HLCS: variants seen among roughly 807,000 people sequenced by gnomAD.
The protein encoded by HLCS is biotin--protein ligase.
Under a neutral mutation model 75.0 loss-of-function variants are expected in HLCS, and 53 were observed. The ratio of observed to expected loss-of-function variants is 0.71; its 90% CI spans 0.57 to 0.89. The LOEUF (loss-of-function observed/expected upper bound fraction) is 0.89. Ranked by LOEUF, HLCS falls within the 40% of genes least tolerant of loss-of-function variation. The pLI is 0.00. For missense variants in HLCS, 966 were observed against 1,074.0 expected, an observed-to-expected ratio of 0.90 and a Z score of 1.41; for synonymous variants, 431 against 428.6, an observed-to-expected ratio of 1.01 and a Z score of -0.07.
At chr21:36,811,001 G>T (rs550072673) in intron 6 of HLCS, among the ~76,000 whole-genome samples, 26 of 152,300 alleles carry the variant, frequency 1.7e-4, no homozygotes, top group Non-Finnish European at 3.2e-4. Context: ...CCACAGTGCT[G>T]ATTGAGAGGA....
intron 1 of HLCS, among the ~76,000 whole-genome samples, chr21:36,964,180 G>A (rs1373998101): frequency 4.6e-5 from 7 of 152,160 alleles, no homozygotes; most frequent in African/African-American, 1.4e-4. Flanking sequence ...AGCGGAGATC[G>A]CGCCACTGCA....
intron 6 of HLCS, among the ~76,000 whole-genome samples, chr21:36,786,900 AAGGAGT>A (rs1487397096): frequency 6.6e-6 from 1 of 152,216 alleles, no homozygotes; most frequent in East Asian, 1.9e-4. Flanking sequence ...TGGGCCTCTT[AAGGAGT>A]AGGGACAACA....
intron 1 of HLCS, among the ~76,000 whole-genome samples, chr21:36,976,913 C>T (rs1465509795): frequency 6.6e-6 from 1 of 152,048 alleles, no homozygotes; most frequent in Non-Finnish European, 1.5e-5. Flanking sequence ...CTAACTTCCC[C>T]TCCATCTCTC....
At chr21:36,887,222 C>T (rs765762353) in intron 6 of HLCS, among the ~76,000 whole-genome samples, 5 of 151,964 alleles carry the variant, frequency 3.3e-5, no homozygotes, top group South Asian at 2.1e-4. Flanking sequence ...GCCTCCAGAA[C>T]GGTGAGAAAC....
chr21:36,954,560 G>A (rs1036686191), intron 2 of HLCS, among the ~76,000 whole-genome samples: 5 of 151,140 alleles, frequency 3.3e-5, no homozygotes, highest in African/African-American at 4.9e-5. Flanking sequence ...AGCTTGCAGC[G>A]AGCCGAGATG....
At chr21:36,903,556 T>C (rs1216752850) in intron 5 of HLCS, among the ~76,000 whole-genome samples, 2 of 152,180 alleles carry the variant, frequency 1.3e-5, no homozygotes, top group Non-Finnish European at 2.9e-5. Context: ...ATGATGGTAA[T>C]ACAAATATCC....
intron 5 of HLCS, among the ~76,000 whole-genome samples, chr21:36,924,245 G>T (rs1159109368): frequency 6.6e-6 from 1 of 152,168 alleles, no homozygotes; most frequent in Admixed American, 6.5e-5. Flanking sequence ...TTTTAGTGGA[G>T]AATTCTAATT....
intron 6 of HLCS, among the ~76,000 whole-genome samples, chr21:36,875,804 T>C (rs1229283438): frequency 1.3e-5 from 2 of 151,852 alleles, no homozygotes; most frequent in African/African-American, 4.8e-5. Flanking sequence ...AGGGGCAACG[T>C]CCCCCTGCTC....
Position 36,937,319 on chromosome 21 carries a change from C to T in HLCS, c.567G>A (p.Glu189=), listed in dbSNP as rs61732504. 5 of 1,613,934 alleles carry T rather than the reference C, an allele frequency of 3.1e-6. No individual in the cohort carries two copies. In the African/African-American group the frequency reaches 5.3e-5, roughly 17 times the overall value. Reference sequence around the variant, plus strand: ...TCTCAAGAGAAGGTTCAGGCTTCGGCTCTAGGATCTGGGCTTGCTTGTTTG... The same window carrying T: ...TCTCAAGAGAAGGTTCAGGCTTCGGTTCTAGGATCTGGGCTTGCTTGTTTG... The part of the protein sequence containing the change: ...QVSNKQAQIL[E]PKPEPSLEIK... The change falls in exon 4 of 11, where the codon GAG becomes GAA. Residue 189 remains glutamate (E), a synonymous_variant. Coordinates refer to ENST00000674895, the MANE Select transcript of HLCS (RefSeq NM_001352514.2).
chr21:36,933,241 G>C (rs1319677757), intron 4 of HLCS, among the ~76,000 whole-genome samples: 4 of 152,166 alleles, frequency 2.6e-5, no homozygotes, highest in African/African-American at 4.8e-5. Context: ...GCCAATCATG[G>C]GACAACAGGT....
chr21:36,930,954 T>C (rs1385441871), intron 4 of HLCS, among the ~76,000 whole-genome samples: 6 of 152,182 alleles, frequency 3.9e-5, no homozygotes, highest in African/African-American at 9.7e-5. Flanking sequence ...ATCAGTCATA[T>C]GACCTTCCGC....
chr21:36,794,305 T>C (rs2098299707), intron 6 of HLCS, among the ~76,000 whole-genome samples: 1 of 152,186 alleles, frequency 6.6e-6, no homozygotes, highest in Non-Finnish European at 1.5e-5. Context: ...GAAAACAAAA[T>C]ACAGCAGATA....
At chr21:36,964,584 C>T (rs1370906225) in intron 1 of HLCS, among the ~76,000 whole-genome samples, 1 of 152,096 alleles carries the variant, frequency 6.6e-6, no homozygotes, top group Non-Finnish European at 1.5e-5. Context: ...TAGGAAATGA[C>T]GCAGCAATAT....
chr21:36,962,815 A>AAAAG (rs56109177), intron 1 of HLCS, among the ~76,000 whole-genome samples: 7 of 146,664 alleles, frequency 4.8e-5, no homozygotes, highest in Non-Finnish European at 9.0e-5. Flanking sequence ...AAAAAAAAAA[A>AAAAG]GATGAGGAGG....
At chr21:36,806,117 T>C (rs575678288) in intron 6 of HLCS, 10 of 152,210 alleles carry the variant, frequency 6.6e-5, no homozygotes, top group African/African-American at 9.7e-5. Flanking sequence ...ATACAGAAAC[T>C]TGGTAGACAG....
chr21:36,874,348 G>GGAGTGCA, intron 6 of HLCS, among the ~76,000 whole-genome samples: 1 of 150,302 alleles, frequency 6.7e-6, no homozygotes, highest in South Asian at 2.1e-4. Flanking sequence ...CTTGCAGTGA[G>GGAGTGCA]CCGAGATCGC....
At chr21:36,781,994 AT>A (rs11317768) in intron 6 of HLCS, among the ~76,000 whole-genome samples, 92,736 of 151,792 alleles carry the variant, frequency 0.61, 29,038 homozygotes, top group East Asian at 0.8. Context: ...AGATCTATTA[AT>A]TTTTTTAATA....
chr21:36,830,899 T>A (rs773967331), intron 6 of HLCS, among the ~76,000 whole-genome samples: 1 of 150,224 alleles, frequency 6.7e-6, no homozygotes, highest in Non-Finnish European at 1.5e-5. Flanking sequence ...TACTCTGAGG[T>A]ATCTACCCTA....
In HLCS at chr21:36,787,022, C is replaced by G. The variant is rs565371919; in HGVS notation, c.1893-19737G>C. Among the ~76,000 whole-genome samples, 5 of 152,100 alleles carry G rather than the reference C, an allele frequency of 3.3e-5. No individual in the cohort carries two copies. The South Asian group carries it at 1.0e-3, about 31-fold the overall frequency. ...ATGCGACCATGTAGGGAGAATGAAGCTGGCCTTCACAGTTCATAATTCCAT... is the reference window on the plus strand; with the variant it reads ...ATGCGACCATGTAGGGAGAATGAAGGTGGCCTTCACAGTTCATAATTCCAT... On this transcript the variant is annotated intron_variant, in intron 6 of 10. Coordinates refer to ENST00000674895, the MANE Select transcript of HLCS (RefSeq NM_001352514.2).
Sources: allele counts gnomAD v4.1 joint callset (sites outside exome capture counted in the v4.1 genomes callset), GRCh38; gene constraint gnomAD v4.1.1; transcripts MANE v1.5; gene names NCBI Gene and HGNC (gene_info 2026-07-23, HGNC 2026-07-21).